Variants in TMEM131 observed in about 807,000 individuals in gnomAD.
TMEM131 encodes 2610524E03Rik.
TMEM131 carries 66 observed loss-of-function variants against 211.6 expected under a neutral mutation model. The observed-to-expected ratio is 0.31, with a 90% CI of 0.26 to 0.38. The LOEUF (loss-of-function observed/expected upper bound fraction) is 0.38. TMEM131 is among the 10% of genes least tolerant of loss of function. The pLI is 1.00. For missense variants in TMEM131, 2,036 were observed against 2,299.3 expected, an observed-to-expected ratio of 0.89 and a Z score of 2.34; for synonymous variants, 844 against 841.3, an observed-to-expected ratio of 1.00 and a Z score of -0.06.
intron 5 of TMEM131, among the ~76,000 whole-genome samples, chr2:97,858,677 C>T (rs896820284): frequency 4.5e-4 from 69 of 152,136 alleles, no homozygotes; most frequent in Non-Finnish European, 7.5e-4. Context: ...GGGAAAGATG[C>T]GCTGTTGCTG....
At chr2:97,815,348 T>C in intron 12 of TMEM131, 41 bp from the exon 13 acceptor site, 1 of 1,267,408 alleles carries the variant, frequency 7.9e-7, no homozygotes. Flanking sequence ...TACCTTTTAC[T>C]ACCAAAGAGA....
chr2:97,959,558 CGTGTGT>C (rs34560570), intron 1 of TMEM131, among the ~76,000 whole-genome samples: 1 of 150,068 alleles, frequency 6.7e-6, no homozygotes, highest in Non-Finnish European at 1.5e-5. Context: ...TATATGTCTG[CGTGTGT>C]GTGTGTGTGT....
At chr2:97,879,955 G>A (rs1220438902) in intron 4 of TMEM131, among the ~76,000 whole-genome samples, 1 of 152,146 alleles carries the variant, frequency 6.6e-6, no homozygotes, top group East Asian at 1.9e-4. Context: ...TGTTGTTAAA[G>A]GATCAACTGT....
intron 5 of TMEM131, among the ~76,000 whole-genome samples, chr2:97,844,841 C>T (rs1432258897): frequency 1.3e-5 from 2 of 152,128 alleles, no homozygotes; most frequent in Non-Finnish European, 2.9e-5. Flanking sequence ...GGGCTACTCC[C>T]ATGTTCAAGA....
intron 29 of TMEM131, among the ~76,000 whole-genome samples, 155 bp from the exon 30 acceptor site, chr2:97,793,708 G>C (rs903641110): frequency 1.3e-5 from 2 of 152,212 alleles, no homozygotes; most frequent in Admixed American, 1.3e-4. Flanking sequence ...AAAACCCACA[G>C]TTTTGGCTGG....
intron 1 of TMEM131, among the ~76,000 whole-genome samples, chr2:97,987,417 C>T (rs373330802): frequency 3.9e-5 from 6 of 152,008 alleles, no homozygotes; most frequent in African/African-American, 4.8e-5. Context: ...GCAGGAGAAT[C>T]GCTTGAACCC....
rs11378393 is a variant in TMEM131, at chr2:97,831,664, C to CTTTTTTTT, written c.1074+1693_1074+1700dup. 3.6e-4 allele frequency among the ~76,000 whole-genome samples: 29 copies of CTTTTTTTT among 80,628 alleles called. 4 individuals carry two copies. Among genetic ancestry groups the CTTTTTTTT allele is most frequent in the African/African-American group, 7.6e-4 (15 of 19,786 alleles). The allele number at this position is 80,628 out of a possible 152,430, so 52.9% of individuals were successfully genotyped here. A position where few individuals can be genotyped will look rare whatever the true frequency, so the allele number is the denominator to read the frequency against. ...ATATACTTTCATGTTTCACATACCT[C>CTTTTTTTT]TTTTTTTTTTTTTTTTTTTTTTTTT... On this transcript the variant is annotated intron_variant, in intron 11 of 40. Coordinates refer to ENST00000186436, the MANE Select transcript of TMEM131 (RefSeq NM_015348.2).
chr2:97,879,668 G>A (rs1055890773), intron 4 of TMEM131, among the ~76,000 whole-genome samples: 3 of 152,200 alleles, frequency 2.0e-5, no homozygotes, highest in Admixed American at 1.3e-4. Flanking sequence ...TCAATGTGAA[G>A]ATGAGGTGAA....
At chr2:97,937,418 C>A (rs1156885000) in intron 1 of TMEM131, among the ~76,000 whole-genome samples, 1 of 151,940 alleles carries the variant, frequency 6.6e-6, no homozygotes, top group African/African-American at 2.4e-5. Context: ...GCCTGAGTGA[C>A]TACAAAACAC....
chr2:97,988,179 T>C (rs991845090), intron 1 of TMEM131, among the ~76,000 whole-genome samples: 4 of 152,198 alleles, frequency 2.6e-5, no homozygotes, highest in African/African-American at 9.6e-5. Flanking sequence ...TTAATTTTCA[T>C]ACAAGGACAC....
chr2:97,984,951 G>A (rs1679961165), intron 1 of TMEM131, among the ~76,000 whole-genome samples: 1 of 152,142 alleles, frequency 6.6e-6, no homozygotes, highest in Non-Finnish European at 1.5e-5. Context: ...ACAGACATGG[G>A]TATAAATTCA....
intron 1 of TMEM131, among the ~76,000 whole-genome samples, chr2:97,943,026 G>GAA (rs11353340): frequency 3.7e-5 from 3 of 80,926 alleles, no homozygotes; most frequent in Non-Finnish European, 7.6e-5. Context: ...GAAAAGAAAA[G>GAA]AAAAGAAAAG....
intron 1 of TMEM131, among the ~76,000 whole-genome samples, chr2:97,953,290 A>G (rs750154734): frequency 2.4e-4 from 36 of 152,202 alleles, no homozygotes; most frequent in Non-Finnish European, 3.5e-4. Flanking sequence ...ACCCAACTAC[A>G]TACCGTCTAA....
At chr2:97,902,764 C>A (rs1439872454) in intron 3 of TMEM131, among the ~76,000 whole-genome samples, 1 of 152,114 alleles carries the variant, frequency 6.6e-6, no homozygotes, top group African/African-American at 2.4e-5. Flanking sequence ...GGCAGATCCA[C>A]CCTTAATCTG....
At chr2:97,779,357 T>TCCTGG (rs1679886434) in intron 31 of TMEM131, among the ~76,000 whole-genome samples, 1 of 152,216 alleles carries the variant, frequency 6.6e-6, no homozygotes, top group African/African-American at 2.4e-5. Context: ...ATGGCCGACG[T>TCCTGG]CTAGCTGCAG....
chr2:97,954,537 G>C (rs908703938), intron 1 of TMEM131, among the ~76,000 whole-genome samples: 1 of 152,304 alleles, frequency 6.6e-6, no homozygotes, highest in South Asian at 2.1e-4. Context: ...GGGCGCAGTG[G>C]CTCACGCCTG....
intron 1 of TMEM131, among the ~76,000 whole-genome samples, chr2:97,943,031 G>C (rs1254696713): frequency 2.3e-5 from 1 of 43,844 alleles, no homozygotes; most frequent in Non-Finnish European, 4.6e-5. Context: ...GAAAAGAAAA[G>C]AAAAGAAAAG....
At chr2:97,857,335 C>A (rs1243040749) in intron 5 of TMEM131, among the ~76,000 whole-genome samples, 1 of 152,196 alleles carries the variant, frequency 6.6e-6, no homozygotes, top group Non-Finnish European at 1.5e-5. Context: ...ACCCCCACAT[C>A]CCACTTGGCT....
chr2:97,797,387 C>G lies in TMEM131; in HGVS notation c.2848G>C (p.Val950Leu). 6.2e-7 allele frequency: 1 copy of G among 1,608,142 alleles called. No individual in the cohort carries two copies. The highest frequency in any genetic ancestry group is 1.1e-5 in the South Asian group (1 of 90,206). The change falls in exon 26 of 41, where the codon GTT becomes CTT. Residue 950 changes from valine (V) to leucine (L), a missense_variant. By Grantham distance (32) the Val-to-Leu change is conservative. Transcript: ENST00000186436. ...TACCTGACTATGATAAGTGAAGAAACAGTTCTGTTGTGAACTGGAGTAAAC... is the reference window on the plus strand; with the variant it reads ...TACCTGACTATGATAAGTGAAGAAAGAGTTCTGTTGTGAACTGGAGTAAAC... ...VKFTPVHNRT[V>L]SSLIIVRNNL...
Sources: allele counts gnomAD v4.1 joint callset (sites outside exome capture counted in the v4.1 genomes callset), GRCh38; gene constraint gnomAD v4.1.1; transcripts MANE v1.5; gene names NCBI Gene and HGNC (gene_info 2026-07-23, HGNC 2026-07-21).